Variants in B3GAT2 observed in about 807,000 individuals in gnomAD.
B3GAT2 encodes galactosylgalactosylxylosylprotein 3-beta-glucuronosyltransferase 2.
In B3GAT2, 26 loss-of-function variants were observed where a neutral mutation model predicts 27.8. That is an observed-to-expected ratio of 0.93 (90% CI 0.68 to 1.30). The LOEUF (loss-of-function observed/expected upper bound fraction) is 1.30, where lower values mean the gene tolerates loss of function less well. Among genes scored for constraint, B3GAT2 ranks in the 50% most tolerant of loss-of-function variants. B3GAT2 has a pLI of 0.00. For synonymous variants in B3GAT2, 218 were observed against 195.1 expected (o/e 1.12, Z -0.98); for missense variants, 458 against 459.0 (o/e 1.00, Z 0.02).
At chr6:70,895,335 G>A (rs555739169) in intron 1 of B3GAT2, among the ~76,000 whole-genome samples, 1 of 151,926 alleles carries the variant, frequency 6.6e-6, no homozygotes. Flanking sequence ...ATCAACCAAG[G>A]AATTTTTTAT....
At chr6:70,911,694 A>G (rs1305988589) in intron 1 of B3GAT2, among the ~76,000 whole-genome samples, 3 of 152,158 alleles carry the variant, frequency 2.0e-5, no homozygotes, top group Admixed American at 6.5e-5. Context: ...TATCACTGGT[A>G]GTTTGAAAGG....
chr6:70,904,016 T>C (rs1772554700), intron 1 of B3GAT2, among the ~76,000 whole-genome samples: 1 of 152,108 alleles, frequency 6.6e-6, no homozygotes, highest in Non-Finnish European at 1.5e-5. Flanking sequence ...GATAAACAAA[T>C]AGATAAGCAA....
chr6:70,862,805 A>G (rs894024351), intron 2 of B3GAT2, among the ~76,000 whole-genome samples: 2 of 151,798 alleles, frequency 1.3e-5, no homozygotes, highest in Non-Finnish European at 2.9e-5. Flanking sequence ...CCCTGTCTCT[A>G]CAAAAAATAC....
chr6:70,903,878 C>T (rs1223850514), intron 1 of B3GAT2, among the ~76,000 whole-genome samples: 1 of 151,984 alleles, frequency 6.6e-6, no homozygotes, highest in African/African-American at 2.4e-5. Context: ...CAATTCCTTT[C>T]CTAGGTATTT....
chr6:70,893,102 A>T (rs1582359065), intron 2 of B3GAT2, among the ~76,000 whole-genome samples: 1 of 152,114 alleles, frequency 6.6e-6, no homozygotes, highest in Admixed American at 6.5e-5. Context: ...ATGTGACAAG[A>T]CCCACCACAC....
intron 1 of B3GAT2, among the ~76,000 whole-genome samples, chr6:70,953,097 G>A (rs1039388369): frequency 6.6e-6 from 1 of 152,166 alleles, no homozygotes; most frequent in African/African-American, 2.4e-5. Flanking sequence ...CTGACTTGGG[G>A]TATTCTTTCC....
chr6:70,941,797 C>T (rs1582396642), intron 1 of B3GAT2, among the ~76,000 whole-genome samples: 2 of 152,238 alleles, frequency 1.3e-5, no homozygotes, highest in South Asian at 4.2e-4. Context: ...ATAATTCATT[C>T]ATTCAAAAAA....
intron 1 of B3GAT2, among the ~76,000 whole-genome samples, chr6:70,922,638 A>G (rs965749855): frequency 6.6e-6 from 1 of 152,144 alleles, no homozygotes; most frequent in Non-Finnish European, 1.5e-5. Context: ...ATAAAAATAC[A>G]GCATCAAAAT....
chr6:70,930,819 C>A (rs1773049706), intron 1 of B3GAT2, among the ~76,000 whole-genome samples: 1 of 152,154 alleles, frequency 6.6e-6, no homozygotes, highest in Non-Finnish European at 1.5e-5. Flanking sequence ...TTTGACCCAG[C>A]CATCCCATTA....
At chr6:70,934,210 C>G (rs1005840241) in intron 1 of B3GAT2, among the ~76,000 whole-genome samples, 2 of 152,196 alleles carry the variant, frequency 1.3e-5, no homozygotes, top group Admixed American at 1.3e-4. Flanking sequence ...GCATACAACT[C>G]TCCATGGAAT....
chr6:70,862,005 AGACTTT>A, intron 2 of B3GAT2, 27 bp from the exon 3 acceptor site: 1 of 1,550,040 alleles, frequency 6.5e-7, no homozygotes, highest in Non-Finnish European at 8.7e-7. Flanking sequence ...AAAAAAAAAG[AGACTTT>A]AAAATCCTGG....
At chr6:70,914,810 G>A (rs138008401) in intron 1 of B3GAT2, among the ~76,000 whole-genome samples, 2,459 of 151,960 alleles carry the variant, frequency 0.016, 63 homozygotes, top group African/African-American at 0.054. Context: ...TATTATTGAT[G>A]GACATCTGGG....
At chr6:70,899,968 T>C (rs956016565) in intron 1 of B3GAT2, among the ~76,000 whole-genome samples, 2 of 152,204 alleles carry the variant, frequency 1.3e-5, no homozygotes, top group African/African-American at 2.4e-5. Context: ...CAATCTCAGG[T>C]GTCTGGTGTG....
At chr6:70,946,373 A>G (rs1203141806) in intron 1 of B3GAT2, among the ~76,000 whole-genome samples, 1 of 152,074 alleles carries the variant, frequency 6.6e-6, no homozygotes, top group East Asian at 1.9e-4. Context: ...TCAAAATAAA[A>G]GGATGGAAGA....
At chr6:70,878,736 G>A (rs1772054679) in intron 2 of B3GAT2, among the ~76,000 whole-genome samples, 1 of 150,236 alleles carries the variant, frequency 6.7e-6, no homozygotes, top group Non-Finnish European at 1.5e-5. Flanking sequence ...TTGTTGAAAA[G>A]GTTTTGTTTT....
chr6:70,954,588 C>G (rs544715681), intron 1 of B3GAT2, among the ~76,000 whole-genome samples: 3 of 152,280 alleles, frequency 2.0e-5, no homozygotes, highest in African/African-American at 7.2e-5. Flanking sequence ...GTTAGGGTAT[C>G]TGATGACCAG....
intron 1 of B3GAT2, among the ~76,000 whole-genome samples, chr6:70,949,250 C>T (rs1426555310): frequency 7.9e-5 from 12 of 151,972 alleles, no homozygotes; most frequent in Admixed American, 2.6e-4. Flanking sequence ...AAAGAAACTA[C>T]CATCAGAGTG....
At chr6:70,954,115 C>T (rs1765614057) in intron 1 of B3GAT2, among the ~76,000 whole-genome samples, 1 of 152,228 alleles carries the variant, frequency 6.6e-6, no homozygotes, top group Non-Finnish European at 1.5e-5. Flanking sequence ...CATATTGTCA[C>T]AGACGAGGCA....
At chr6:70,922,258 A>G (rs1772881974) in intron 1 of B3GAT2, among the ~76,000 whole-genome samples, 1 of 152,266 alleles carries the variant, frequency 6.6e-6, no homozygotes, top group Non-Finnish European at 1.5e-5. Flanking sequence ...AAAGTCTTCT[A>G]GTCCTAATCA....
Sources: allele counts gnomAD v4.1 joint callset (sites outside exome capture counted in the v4.1 genomes callset), GRCh38; gene constraint gnomAD v4.1.1; transcripts MANE v1.5; gene names NCBI Gene and HGNC (gene_info 2026-07-23, HGNC 2026-07-21).